YES1: variants seen among roughly 807,000 people sequenced by gnomAD.
YES1 encodes YES proto-oncogene 1, Src family tyrosine kinase.
YES1 carries 39 observed loss-of-function variants against 70.4 expected under a neutral mutation model. That is an observed-to-expected ratio of 0.55 (90% confidence interval 0.43 to 0.72). YES1 has a LOEUF of 0.72. Ranked by LOEUF, YES1 falls within the 30% of genes least tolerant of loss-of-function variation. The pLI is 0.00. For synonymous variants in YES1, 198 were observed against 218.6 expected (o/e 0.91, Z 0.83); for missense variants, 495 against 644.8 (o/e 0.77, Z 2.52).
At chr18:805,800 T>G (rs1010161888) in intron 1 of YES1, among the ~76,000 whole-genome samples, 5 of 152,326 alleles carry the variant, frequency 3.3e-5, no homozygotes, top group Middle Eastern at 3.4e-3. Flanking sequence ...CAATGTGAAG[T>G]ATTAACTTAT....
At chr18:733,102 T>A (rs2080111250) in intron 10 of YES1, 137 bp from the exon 11 acceptor site, 3 of 707,114 alleles carry the variant, frequency 4.2e-6, no homozygotes, top group Non-Finnish European at 6.6e-6. Flanking sequence ...ACAAGATACA[T>A]GGGATAAAAA....
intron 10 of YES1, among the ~76,000 whole-genome samples, chr18:733,660 G>A (rs2080116740): frequency 6.6e-6 from 1 of 151,868 alleles, no homozygotes; most frequent in Non-Finnish European, 1.5e-5. Context: ...GCAGGAGCCT[G>A]TAGTCCCAGC....
rs142744369 is a variant in YES1, at chr18:799,793, T to C, written c.-9+12321A>G. On this transcript the variant is annotated intron_variant, in intron 1 of 11. Transcript: ENST00000314574. The stretch of plus-strand genomic sequence containing the variant: ...GCATACACCTGTAATCTCAGCTACT[T>C]GGGAGGCTGAGGTGAGAGGATCACT... Among the ~76,000 whole-genome samples the C allele has an allele frequency of 6.0e-4, 91 of 152,098 alleles. 1 individual carries two copies. Among genetic ancestry groups the C allele is most frequent in the Admixed American group, 4.6e-3 (70 of 15,262 alleles).
intron 8 of YES1, among the ~76,000 whole-genome samples, chr18:742,297 T>C (rs1402786710): frequency 6.6e-6 from 1 of 151,770 alleles, no homozygotes; most frequent in East Asian, 1.9e-4. Context: ...TGGTCTAGAG[T>C]TAAGGAAAAT....
At chr18:781,803 G>A (rs1159782415) in intron 1 of YES1, among the ~76,000 whole-genome samples, 1 of 151,944 alleles carries the variant, frequency 6.6e-6, no homozygotes, top group Non-Finnish European at 1.5e-5. Context: ...TTGCAAGGTT[G>A]TAAGAATTAA....
chr18:797,090 G>A (rs923984952), intron 1 of YES1, among the ~76,000 whole-genome samples: 2 of 151,946 alleles, frequency 1.3e-5, no homozygotes, highest in Non-Finnish European at 2.9e-5. Flanking sequence ...GCACAGACAT[G>A]GAAAAGTCTT....
At chr18:727,445 A>G (rs1840998815) in intron 11 of YES1, among the ~76,000 whole-genome samples, 1 of 152,156 alleles carries the variant, frequency 6.6e-6, no homozygotes, top group Non-Finnish European at 1.5e-5. Flanking sequence ...GTGTACCTAA[A>G]TGTCATTTAA....
At chr18:793,048 T>C (rs184581649) in intron 1 of YES1, among the ~76,000 whole-genome samples, 1 of 147,826 alleles carries the variant, frequency 6.8e-6, no homozygotes, top group Admixed American at 6.7e-5. Flanking sequence ...TATTGGTTTT[T>C]TTTTTTTTTT....
chr18:782,939 C>A (rs1490199476), intron 1 of YES1, among the ~76,000 whole-genome samples: 1 of 152,212 alleles, frequency 6.6e-6, no homozygotes, highest in Non-Finnish European at 1.5e-5. Context: ...GTCTTGGCCT[C>A]CCGAAGTGCT....
rs1052216736 is a variant in YES1, at chr18:764,069, G to A, written c.-8-7234C>T. Among the ~76,000 whole-genome samples the A allele has an allele frequency of 6.7e-5, 10 of 149,164 alleles. No homozygotes were observed. The East Asian group carries it at 1.2e-3, about 18-fold the overall frequency. On this transcript the variant is annotated intron_variant, in intron 1 of 11. Transcript: ENST00000314574. ...CGGGAGGCGGAGCTTGCAGTGAGCC[G>A]AGATCACACCACTGCACTCCAGCCT...
At chr18:774,497 A>T (rs1905285985) in intron 1 of YES1, among the ~76,000 whole-genome samples, 1 of 152,042 alleles carries the variant, frequency 6.6e-6, no homozygotes, top group African/African-American at 2.4e-5. Context: ...AATCTTCCCC[A>T]ACTCGATAAA....
chr18:801,153 TATAAAAATAAAAA>T, intron 1 of YES1, among the ~76,000 whole-genome samples: 1 of 151,556 alleles, frequency 6.6e-6, no homozygotes, highest in South Asian at 2.1e-4. Context: ...CTCAAAAAAA[TATAAAAATAAAAA>T]ATAAAAATAA....
intron 1 of YES1, among the ~76,000 whole-genome samples, chr18:800,509 T>C (rs1906763891): frequency 6.6e-6 from 1 of 152,212 alleles, no homozygotes; most frequent in Non-Finnish European, 1.5e-5. Flanking sequence ...GGGATAATAA[T>C]GCTACAAAAA....
At chr18:733,050 C>A in intron 10 of YES1, 85 bp from the exon 11 acceptor site, 1 of 1,339,382 alleles carries the variant, frequency 7.5e-7, no homozygotes, top group Non-Finnish European at 1.1e-6. Context: ...AATGTTCTGT[C>A]AATATCTCTA....
chr18:737,052 G>A (rs981940089), intron 9 of YES1, 91 bp from the exon 10 acceptor site: 26 of 1,091,292 alleles, frequency 2.4e-5, no homozygotes, highest in Non-Finnish European at 3.2e-5. Context: ...TTGTGTCACT[G>A]AAAATCATAT....
In YES1 at chr18:723,050, C is replaced by T. The variant is rs1007205322; in HGVS notation, c.*1374G>A. On this transcript the variant is annotated 3_prime_UTR_variant, in exon 12 of 12. Transcript: ENST00000314574. ...GAGCTTGCAGTGAGCCGAGATCGCG[C>T]CACTGCACTCCAGCCTGGGCGACAG... The T allele has an allele frequency of 4.6e-5, 7 of 152,156 alleles. No individual in the cohort carries two copies. Among genetic ancestry groups the T allele is most frequent in the Admixed American group, 2.0e-4 (3 of 15,274 alleles). The allele number at this position is 152,156 out of a possible 1,614,324, so 9.4% of individuals were successfully genotyped here.
At chr18:810,624 TC>T (rs1907326028) in intron 1 of YES1, among the ~76,000 whole-genome samples, 1 of 152,216 alleles carries the variant, frequency 6.6e-6, no homozygotes, top group Non-Finnish European at 1.5e-5. Context: ...TGTTTTCAGA[TC>T]AAAGGCAATT....
At chr18:755,405 C>A (rs1372844101) in intron 2 of YES1, among the ~76,000 whole-genome samples, 4 of 152,064 alleles carry the variant, frequency 2.6e-5, no homozygotes, top group African/African-American at 9.7e-5. Context: ...CGCAACACCA[C>A]ACCTGGCTAA....
At chr18:796,533 A>G (rs1906553627) in intron 1 of YES1, among the ~76,000 whole-genome samples, 1 of 152,124 alleles carries the variant, frequency 6.6e-6, no homozygotes, top group African/African-American at 2.4e-5. Context: ...ACTTTGGGAG[A>G]CCGAGGCGGG....
Sources: allele counts gnomAD v4.1 joint callset (sites outside exome capture counted in the v4.1 genomes callset), GRCh38; gene constraint gnomAD v4.1.1; transcripts MANE v1.5; gene names NCBI Gene and HGNC (gene_info 2026-07-23, HGNC 2026-07-21).